The following GRIP1 variants were observed in gnomAD, a reference collection of about 807,000 sequenced individuals.
The protein encoded by GRIP1 is glutamate receptor-interacting protein 1.
In GRIP1, 45 loss-of-function variants were observed where a neutral mutation model predicts 129.9. That is an observed-to-expected ratio of 0.35 (90% CI 0.27 to 0.44). The LOEUF (loss-of-function observed/expected upper bound fraction) is 0.44. Among genes scored for constraint, GRIP1 ranks in the 20% least tolerant of loss-of-function variants. The probability of loss-of-function intolerance (pLI) is 1.00; values close to 1 mark genes in which losing one functional copy is unlikely to be tolerated. For missense variants in GRIP1, 1,196 were observed against 1,396.8 expected (o/e 0.86, Z 2.29); for synonymous variants, 530 against 520.8 (o/e 1.02, Z -0.24).
chr12:67,048,891 C>T (rs963713621), intron 1 of GRIP1, among the ~76,000 whole-genome samples: 3 of 152,188 alleles, frequency 2.0e-5, no homozygotes, highest in Non-Finnish European at 4.4e-5. Context: ...CCACGTGGAA[C>T]TGTAACTCCA....
chr12:66,962,324 T>A (rs763514011), intron 1 of GRIP1, among the ~76,000 whole-genome samples: 1 of 152,128 alleles, frequency 6.6e-6, no homozygotes, highest in East Asian at 1.9e-4. Flanking sequence ...AACTTCCACA[T>A]TGAACTTCAA....
At chr12:66,833,799 A>G (rs1469464887) in intron 1 of GRIP1, among the ~76,000 whole-genome samples, 1 of 152,252 alleles carries the variant, frequency 6.6e-6, no homozygotes. Flanking sequence ...AATTGAAAGT[A>G]GAGGGAAAAG....
chr12:66,610,621 G>C (rs10506491), intron 1 of GRIP1, among the ~76,000 whole-genome samples: 1 of 151,994 alleles, frequency 6.6e-6, no homozygotes, highest in South Asian at 2.1e-4. Flanking sequence ...CATGGACTTT[G>C]GATTTCTACA....
At chr12:66,853,912 A>T (rs917076543) in intron 1 of GRIP1, among the ~76,000 whole-genome samples, 3 of 152,098 alleles carry the variant, frequency 2.0e-5, no homozygotes, top group African/African-American at 7.2e-5. Flanking sequence ...TAAAGAATAG[A>T]TACTAAAAAT....
intron 1 of GRIP1, among the ~76,000 whole-genome samples, chr12:66,657,778 A>G (rs1312673769): frequency 1.3e-5 from 2 of 152,202 alleles, no homozygotes; most frequent in Non-Finnish European, 2.9e-5. Context: ...AATCGCCATG[A>G]AAATGTATGA....
At position 66,444,657 on chromosome 12, in the gene GRIP1, T is replaced by G; in HGVS notation, c.1614A>C (p.Glu538Asp). 6.2e-7 allele frequency: 1 copy of G among 1,614,106 alleles called. No homozygotes were observed. The highest frequency in any genetic ancestry group is 8.5e-7 in the Non-Finnish European group (1 of 1,179,982). The change falls in exon 13 of 25, where the codon GAA (glutamate) becomes GAC (aspartate). Residue 538 changes from glutamate (E) to aspartate (D), a missense_variant. Physicochemically the swap from Glu to Asp is conservative, Grantham distance 45. Around this residue, in one of 5 missense-constraint regions of GRIP1, gnomAD observed 508 missense variants for 587.0 expected, o/e 0.87. Coordinates refer to ENST00000359742, the MANE Select transcript of GRIP1 (RefSeq NM_001366722.1). Reference protein sequence around the residue: ...NGIPTEDSTFEEASQLLRDSS... With the variant: ...NGIPTEDSTFDEASQLLRDSS... ...AGTCTCGGAGGAGCTGACTGGCTTC[T>G]TCGAAGGTGCTGTCTTCTGTTGGAA... is the stretch of plus-strand genomic sequence containing the variant.
chr12:66,660,153 T>A (rs1288407734), intron 1 of GRIP1, among the ~76,000 whole-genome samples: 1 of 152,196 alleles, frequency 6.6e-6, no homozygotes, highest in Admixed American at 6.5e-5. Context: ...GTCTTTGAAG[T>A]AAGGAATCAA....
intron 7 of GRIP1, among the ~76,000 whole-genome samples, chr12:66,489,154 C>G (rs1421489009): frequency 6.6e-6 from 1 of 152,100 alleles, no homozygotes; most frequent in African/African-American, 2.4e-5. Flanking sequence ...CAAAACCCGG[C>G]AGGGATACAA....
intron 1 of GRIP1, among the ~76,000 whole-genome samples, chr12:66,859,754 C>T (rs1397549969): frequency 6.6e-6 from 1 of 151,996 alleles, no homozygotes; most frequent in Admixed American, 6.6e-5. Context: ...AAAAATAGTG[C>T]TCTGTGGGTG....
At chr12:66,443,675 C>T (rs149319392) in intron 13 of GRIP1, among the ~76,000 whole-genome samples, 2,156 of 152,096 alleles carry the variant, frequency 0.014, 27 homozygotes, top group South Asian at 0.044. Context: ...AGGCTAGTCT[C>T]GAACTCCTGA....
chr12:66,857,774 A>G lies in GRIP1; in HGVS notation c.58+211276T>C, dbSNP rs79900963. ...AATTCAAAATAGGGAGACAAGAATA[A>G]GAGTAGTAAGCTATCATAGAAAGAG... is the stretch of plus-strand genomic sequence containing the variant. On this transcript the variant is annotated intron_variant, in intron 1 of 1. Coordinates refer to the GRIP1 transcript ENST00000643019. Among the ~76,000 whole-genome samples, 939 of 152,120 alleles carry G rather than the reference A, an allele frequency of 6.2e-3. 12 individuals carry two copies. Among genetic ancestry groups the G allele is most frequent in the African/African-American group, 0.021 (882 of 41,544 alleles).
chr12:66,536,913 T>C (rs986007639), intron 4 of GRIP1, among the ~76,000 whole-genome samples: 4 of 152,110 alleles, frequency 2.6e-5, no homozygotes, highest in African/African-American at 9.7e-5. Flanking sequence ...CAAAAAGCTA[T>C]CTCAGGGTAG....
intron 1 of GRIP1, among the ~76,000 whole-genome samples, chr12:66,602,393 C>T (rs1055711098): frequency 1.3e-5 from 2 of 152,052 alleles, no homozygotes; most frequent in African/African-American, 2.4e-5. Flanking sequence ...TCACGGGGGC[C>T]CCGCATAATT....
rs1192958878 is a variant in GRIP1 at position 66,736,623 on chromosome 12, C to G, written c.-420+67430G>C. Among the ~76,000 whole-genome samples the G allele has an allele frequency of 3.8e-3, 579 of 151,886 alleles. 3 individuals are homozygous for G. The highest frequency in any genetic ancestry group is 0.014 in the African/African-American group (559 of 41,394). On this transcript the variant is annotated intron_variant, in intron 1 of 4. Transcript: ENST00000538373. ...GGAGGAAAAGAAGGGGTTGATGTTG[C>G]TATCTCAGGGGTGGCAGAGGTGGAA...
intron 1 of GRIP1, among the ~76,000 whole-genome samples, chr12:66,923,000 G>A (rs2041238202): frequency 6.6e-6 from 1 of 152,152 alleles, no homozygotes; most frequent in Non-Finnish European, 1.5e-5. Context: ...CCATGCTGCA[G>A]GTAAAGCTGA....
chr12:66,963,862 C>G (rs2041957920), intron 1 of GRIP1, among the ~76,000 whole-genome samples: 1 of 152,146 alleles, frequency 6.6e-6, no homozygotes, highest in Admixed American at 6.5e-5. Flanking sequence ...ACACTGAACT[C>G]AGTACCTCCA....
intron 1 of GRIP1, among the ~76,000 whole-genome samples, chr12:66,843,731 T>A (rs779227943): frequency 6.6e-6 from 1 of 152,058 alleles, no homozygotes; most frequent in Non-Finnish European, 1.5e-5. Context: ...ACAAATAACA[T>A]TGGGAAAACA....
intron 1 of GRIP1, among the ~76,000 whole-genome samples, chr12:66,989,852 A>G (rs146271112): frequency 6.6e-6 from 1 of 152,328 alleles, no homozygotes; most frequent in East Asian, 1.9e-4. Context: ...AAATACAATC[A>G]GCTCTATTGA....
At chr12:66,490,422 C>A (rs992597663) in intron 7 of GRIP1, among the ~76,000 whole-genome samples, 3 of 152,036 alleles carry the variant, frequency 2.0e-5, no homozygotes, top group Non-Finnish European at 4.4e-5. Context: ...AACTGGCTAG[C>A]CATAGGCAGA....
Sources: gnomAD v4.1 joint callset for allele counts (sites outside exome capture counted in the v4.1 genomes callset) on GRCh38, gnomAD v4.1.1 for gene constraint, gnomAD v4.1.1 regional missense constraint, MANE v1.5 for transcripts, NCBI Gene and HGNC (gene_info 2026-07-23, HGNC 2026-07-21) for gene names.